RASEF: variants seen among roughly 807,000 people sequenced by gnomAD.
The protein encoded by RASEF is ras and EF-hand domain-containing protein.
In RASEF, 68 loss-of-function variants were observed where a neutral mutation model predicts 90.1. The observed-to-expected ratio is 0.75, with a 90% CI of 0.62 to 0.92. RASEF has a LOEUF of 0.92. RASEF is among the 40% of genes least tolerant of loss of function. RASEF has a pLI of 0.00. For missense variants in RASEF, 949 were observed against 937.2 expected (o/e 1.01, Z -0.16); for synonymous variants, 331 against 345.2 (o/e 0.96, Z 0.46).
At chr9:83,123,006 G>A in the RASEF span, among the ~76,000 whole-genome samples, 3 of 150,804 alleles carry the variant, frequency 2.0e-5, no homozygotes, top group East Asian at 1.9e-4. Context: ...TTGGCAGGCC[G>A]AGGCAGGTGA....
the RASEF span, among the ~76,000 whole-genome samples, chr9:83,070,857 C>A: frequency 6.6e-6 from 1 of 151,972 alleles, no homozygotes; most frequent in East Asian, 1.9e-4. Context: ...TAAATTTATC[C>A]CTAAGTATAT....
chr9:83,123,001 AG>A, the RASEF span, among the ~76,000 whole-genome samples: 1 of 151,240 alleles, frequency 6.6e-6, no homozygotes, highest in Non-Finnish European at 1.5e-5. Context: ...ACACTTTGGC[AG>A]GCCGAGGCAG....
chr9:83,005,415 C>T lies in RASEF; in HGVS notation c.1113+1G>A, dbSNP rs1353242554. 1.9e-6 allele frequency: 3 copies of T among 1,603,138 alleles called. No homozygotes were observed. Among genetic ancestry groups the T allele is most frequent in the Admixed American group, 1.7e-5 (1 of 59,964 alleles). On this transcript the variant is annotated splice_donor_variant, in intron 8 of 16. Transcript: ENST00000376447. LOFTEE classifies it high-confidence loss of function. The stretch of plus-strand genomic sequence containing the variant: ...ATACATGGTAAAACTATGTGGCATA[C>T]CAAAGATCTGTTGAACTTGCTATAA...
chr9:83,137,835 C>A, the RASEF span, among the ~76,000 whole-genome samples: 1 of 150,180 alleles, frequency 6.7e-6, no homozygotes. Flanking sequence ...TGCTCAGAGG[C>A]AGGAGGGAGG....
At position 83,062,572 on chromosome 9, in the gene RASEF, G is replaced by A. The variant is rs893250917; in HGVS notation, c.296C>T (p.Thr99Ile). ...GCCTTCGTCCTCCTCGCTGTCGTGT[G>A]TCTCCGGCCCCGCCTCAGACACGGC... ...APAVSEAGPE[T>I]HDSEEDEGDE... Residue 99 changes from threonine to isoleucine, a missense_variant, in exon 1 of 17, where the codon ACA (threonine) becomes ATA (isoleucine). Coordinates refer to ENST00000376447, the MANE Select transcript of RASEF (RefSeq NM_152573.4). 4 of 1,588,734 alleles carry A rather than the reference G, an allele frequency of 2.5e-6. No individual in the cohort carries two copies. The highest frequency in any genetic ancestry group is 3.5e-5 in the Admixed American group (2 of 57,916).
the RASEF span, among the ~76,000 whole-genome samples, chr9:83,074,353 G>A: frequency 1.3e-5 from 2 of 152,192 alleles, no homozygotes; most frequent in African/African-American, 4.8e-5. Context: ...GAGAAAGGTA[G>A]CATCAAACTT....
chr9:83,129,955 G>T, the RASEF span, among the ~76,000 whole-genome samples: 1 of 152,266 alleles, frequency 6.6e-6, no homozygotes, highest in Non-Finnish European at 1.5e-5. Flanking sequence ...AAACTCTGCA[G>T]TATATGTCTG....
chr9:83,006,720 C>T (rs1311637937), intron 7 of RASEF, among the ~76,000 whole-genome samples: 2 of 152,034 alleles, frequency 1.3e-5, no homozygotes, highest in Non-Finnish European at 2.9e-5. Context: ...GAAAAATATA[C>T]TTCTAAGTAA....
rs977510788 is a variant in RASEF, at chr9:83,063,047, C to T, written c.-180G>A. ...GAACGTCGGGGGTGGCCGAGCGGCT[C>T]CCTTCGACGACGGTTCGGGCCAGCC... On this transcript the variant is annotated 5_prime_UTR_variant, in exon 1 of 17. Transcript: ENST00000376447. 43 of 639,148 alleles carry T rather than the reference C, an allele frequency of 6.7e-5. No homozygotes were observed. Among genetic ancestry groups the T allele is most frequent in the Non-Finnish European group, 9.5e-5 (39 of 411,968 alleles). The allele number at this position is 639,148 out of a possible 1,614,324, so 39.6% of individuals were successfully genotyped here.
chr9:83,217,810 G>A, the RASEF span, among the ~76,000 whole-genome samples: 5 of 152,132 alleles, frequency 3.3e-5, no homozygotes, highest in African/African-American at 1.2e-4. Flanking sequence ...GTGGGGAAGT[G>A]GGTCTTAAAC....
At chr9:83,119,751 AATC>A in the RASEF span, among the ~76,000 whole-genome samples, 2 of 152,172 alleles carry the variant, frequency 1.3e-5, no homozygotes, top group Non-Finnish European at 2.9e-5. Flanking sequence ...GAGATGATTG[AATC>A]ATGGGGACAA....
the RASEF span, among the ~76,000 whole-genome samples, chr9:83,219,123 T>TAAA: frequency 2.6e-5 from 4 of 152,174 alleles, no homozygotes; most frequent in African/African-American, 9.7e-5. Context: ...CTCAAAGTAA[T>TAAA]AAATAATAAT....
At chr9:83,102,123 G>C in the RASEF span, among the ~76,000 whole-genome samples, 1 of 152,184 alleles carries the variant, frequency 6.6e-6, no homozygotes, top group Non-Finnish European at 1.5e-5. Flanking sequence ...TGTTGCCCAG[G>C]CTGGAGTGCA....
chr9:82,988,545 C>A (rs1828754162), intron 16 of RASEF, among the ~76,000 whole-genome samples: 1 of 152,076 alleles, frequency 6.6e-6, no homozygotes, highest in South Asian at 2.1e-4. Context: ...AGAGGTGGGG[C>A]CTCGTGGGAG....
chr9:83,022,230 T>C (rs1829457559), intron 3 of RASEF, 106 bp downstream of exon 3: 1 of 824,586 alleles, frequency 1.2e-6, no homozygotes, highest in South Asian at 1.5e-5. Flanking sequence ...TGCAGAAACC[T>C]GGACTTGCTG....
intron 1 of RASEF, among the ~76,000 whole-genome samples, chr9:83,028,720 G>C (rs1829589092): frequency 6.6e-6 from 1 of 152,184 alleles, no homozygotes; most frequent in Non-Finnish European, 1.5e-5. Flanking sequence ...TAATGTGTAA[G>C]GAAATGTATA....
chr9:83,199,104 T>C, the RASEF span, among the ~76,000 whole-genome samples: 1 of 152,156 alleles, frequency 6.6e-6, no homozygotes, highest in Non-Finnish European at 1.5e-5. Context: ...GCAATGCTTT[T>C]TCAAAGTTTG....
At chr9:83,020,812 G>T (rs1420025535) in intron 3 of RASEF, among the ~76,000 whole-genome samples, 1 of 152,156 alleles carries the variant, frequency 6.6e-6, no homozygotes, top group South Asian at 2.1e-4. Context: ...ACACGTGCTT[G>T]ATAAGTGTTT....
At chr9:83,210,352 T>C in the RASEF span, among the ~76,000 whole-genome samples, 1 of 152,210 alleles carries the variant, frequency 6.6e-6, no homozygotes, top group Non-Finnish European at 1.5e-5. Flanking sequence ...TCAACTGCCA[T>C]GAAAAAGCAT....
Sources: gnomAD v4.1 joint callset for allele counts (sites outside exome capture counted in the v4.1 genomes callset) on GRCh38, gnomAD v4.1.1 for gene constraint, MANE v1.5 for transcripts, NCBI Gene and HGNC (gene_info 2026-07-23, HGNC 2026-07-21) for gene names.